Variants in BLTP3A observed in about 807,000 individuals in gnomAD.
BLTP3A encodes bridge-like lipid transfer protein family member 3A.
At chr6:34,823,254 C>G in the BLTP3A span, 1 of 1,613,060 alleles carries the variant, frequency 6.2e-7, no homozygotes, top group Non-Finnish European at 8.5e-7. Flanking sequence ...ACTTCTATTT[C>G]AGTGTCTGGA....
the BLTP3A span, chr6:34,857,998 C>T: frequency 2.6e-6 from 4 of 1,566,974 alleles, no homozygotes; most frequent in East Asian, 6.7e-5. Context: ...TGGTTTTGCT[C>T]TGTCCATTTT....
the BLTP3A span, among the ~76,000 whole-genome samples, chr6:34,807,524 G>A: frequency 6.6e-6 from 1 of 152,224 alleles, no homozygotes; most frequent in Non-Finnish European, 1.5e-5. Flanking sequence ...GAGGGAATTA[G>A]AATGTTCAGC....
chr6:34,835,270 C>G, the BLTP3A span: 1 of 1,611,474 alleles, frequency 6.2e-7, no homozygotes, highest in Non-Finnish European at 8.5e-7. Flanking sequence ...GTGATAAACC[C>G]CATGTTGTCT....
At chr6:34,873,735 GACCATTC>G in the BLTP3A span, 1 of 152,080 alleles carries the variant, frequency 6.6e-6, no homozygotes, top group Non-Finnish European at 1.5e-5. Flanking sequence ...CTAAAGTCTC[GACCATTC>G]ACCTTTCCAT....
the BLTP3A span, chr6:34,870,735 A>G: frequency 7.5e-7 from 1 of 1,332,140 alleles, no homozygotes; most frequent in Non-Finnish European, 1.0e-6. Flanking sequence ...GACTTCGTTC[A>G]GTCAGATGAG....
chr6:34,872,675 A>G, the BLTP3A span: 10 of 394,758 alleles, frequency 2.5e-5, no homozygotes, highest in Admixed American at 2.2e-4. Flanking sequence ...GTGTGGCACA[A>G]GCATCATGTC....
At chr6:34,866,179 C>T in the BLTP3A span, among the ~76,000 whole-genome samples, 2 of 152,014 alleles carry the variant, frequency 1.3e-5, no homozygotes, top group Admixed American at 6.6e-5. Context: ...TTTGGGAGGC[C>T]CAGACAGGCA....
the BLTP3A span, among the ~76,000 whole-genome samples, chr6:34,808,448 A>G: frequency 6.6e-6 from 1 of 151,796 alleles, no homozygotes; most frequent in South Asian, 2.1e-4. Flanking sequence ...TCTGGAAAAG[A>G]TTAATGGATT....
At chr6:34,838,360 G>A in the BLTP3A span, among the ~76,000 whole-genome samples, 1 of 152,148 alleles carries the variant, frequency 6.6e-6, no homozygotes, top group Non-Finnish European at 1.5e-5. Context: ...TGAATGAGAT[G>A]AAAGATGAAC....
At chr6:34,833,197 T>C in the BLTP3A span, among the ~76,000 whole-genome samples, 1 of 152,142 alleles carries the variant, frequency 6.6e-6, no homozygotes, top group Non-Finnish European at 1.5e-5. Context: ...ACATAGATAG[T>C]TGACTTTTCA....
the BLTP3A span, chr6:34,871,518 G>C: frequency 6.7e-7 from 1 of 1,482,400 alleles, no homozygotes; most frequent in South Asian, 1.1e-5. Flanking sequence ...AATGATGGGA[G>C]CATGGGTTGT....
chr6:34,835,597 C>T, the BLTP3A span: 1 of 972,272 alleles, frequency 1.0e-6, no homozygotes, highest in Non-Finnish European at 1.5e-6. Context: ...ATAGGCTTTG[C>T]CTGCACCTCT....
the BLTP3A span, chr6:34,872,688 G>A: frequency 5.8e-6 from 2 of 347,582 alleles, no homozygotes; most frequent in African/African-American, 4.2e-5. Context: ...ATCATGTCTT[G>A]CCTGTATAAA....
chr6:34,848,952 T>A, the BLTP3A span, among the ~76,000 whole-genome samples: 17 of 51,176 alleles, frequency 3.3e-4, no homozygotes, highest in African/African-American at 3.0e-3. Context: ...TTTCTTGCAT[T>A]TTTTTTTTTT....
chr6:34,865,946 C>T, the BLTP3A span, among the ~76,000 whole-genome samples: 48 of 152,328 alleles, frequency 3.2e-4, no homozygotes, highest in South Asian at 7.5e-3. Flanking sequence ...GGCAGTGGCT[C>T]ACGCCTGTAA....
At chr6:34,821,671 C>T in the BLTP3A span, 1 of 1,611,882 alleles carries the variant, frequency 6.2e-7, no homozygotes, top group Middle Eastern at 1.7e-4. Context: ...AGAATCTTTC[C>T]CCAGACAAAA....
At chr6:34,817,555 C>T in the BLTP3A span, among the ~76,000 whole-genome samples, 1 of 152,080 alleles carries the variant, frequency 6.6e-6, no homozygotes, top group Non-Finnish European at 1.5e-5. Flanking sequence ...TTTTCATGGC[C>T]CAGCAAGCAG....
At chr6:34,803,481 T>A in the BLTP3A span, among the ~76,000 whole-genome samples, 1 of 152,158 alleles carries the variant, frequency 6.6e-6, no homozygotes, top group Non-Finnish European at 1.5e-5. Context: ...TTTCCCTTAC[T>A]CTTTTTTTTA....
the BLTP3A span, chr6:34,856,434 T>C: frequency 1.2e-6 from 2 of 1,605,876 alleles, no homozygotes; most frequent in Non-Finnish European, 1.7e-6. Context: ...ACTGGAAGAC[T>C]CCAGTTGCTT....
Sources: gnomAD v4.1 joint callset for allele counts (sites outside exome capture counted in the v4.1 genomes callset) on GRCh38, gnomAD v4.1.1 for gene constraint, MANE v1.5 for transcripts, NCBI Gene and HGNC (gene_info 2026-07-23, HGNC 2026-07-21) for gene names.